The following CDC42BPB variants were observed in gnomAD, a reference collection of about 807,000 sequenced individuals.
CDC42BPB encodes serine/threonine-protein kinase MRCK beta.
In CDC42BPB, 37 loss-of-function variants were observed where a neutral mutation model predicts 214.9. The ratio of observed to expected loss-of-function variants is 0.17; its 90% CI spans 0.13 to 0.23. CDC42BPB has a LOEUF of 0.23. Ranked by LOEUF, CDC42BPB falls within the 10% of genes least tolerant of loss-of-function variation. The pLI is 1.00. For synonymous variants in CDC42BPB, 931 were observed against 884.0 expected, an observed-to-expected ratio of 1.05 and a Z score of -0.94; for missense variants, 1,694 against 2,227.0, an observed-to-expected ratio of 0.76 and a Z score of 4.82.
At chr14:103,046,443 TCGGAGAGAAGC>T (rs1888287760) in intron 1 of CDC42BPB, among the ~76,000 whole-genome samples, 1 of 152,062 alleles carries the variant, frequency 6.6e-6, no homozygotes, top group African/African-American at 2.4e-5. Flanking sequence ...CACCAGAGTT[TCGGAGAGAAGC>T]CTCTAACAAA....
rs753683758 is a variant in CDC42BPB at position 102,950,460 on chromosome 14, G to T, written c.3309+6C>A. The T allele has an allele frequency of 1.2e-6, 2 of 1,612,524 alleles. No homozygotes were observed. Among genetic ancestry groups the T allele is most frequent in the Non-Finnish European group, 1.7e-6 (2 of 1,179,924 alleles). ...GAGGGCTGAGGGCGGAGATGAAGCC[G>T]CCTACCTTGACATGGCCTTTGTAGG... On this transcript the variant is annotated splice_donor_region_variant and intron_variant, in intron 25 of 36. Transcript: ENST00000361246.
chr14:102,996,924 A>C (rs1894765731), intron 5 of CDC42BPB, among the ~76,000 whole-genome samples: 2 of 152,152 alleles, frequency 1.3e-5, no homozygotes. Context: ...ACCTCATCAC[A>C]CTAAATGAGT....
chr14:103,014,611 T>C (rs551744894), intron 1 of CDC42BPB, among the ~76,000 whole-genome samples: 9 of 152,192 alleles, frequency 5.9e-5, no homozygotes, highest in Admixed American at 4.6e-4. Context: ...GTGGGTTTTT[T>C]CTCCTTTAAT....
At chr14:102,965,136 G>A (rs1367067416) in intron 18 of CDC42BPB, among the ~76,000 whole-genome samples, 1 of 151,930 alleles carries the variant, frequency 6.6e-6, no homozygotes, top group African/African-American at 2.4e-5. Flanking sequence ...GTTTCACCAC[G>A]TTGGCCAGGC....
intron 1 of CDC42BPB, among the ~76,000 whole-genome samples, chr14:103,027,956 C>T (rs1314150475): frequency 6.6e-6 from 1 of 152,128 alleles, no homozygotes; most frequent in Non-Finnish European, 1.5e-5. Flanking sequence ...ATAGTGAAAC[C>T]CCATCTCTAC....
chr14:102,972,299 G>A (rs1438733716), intron 12 of CDC42BPB, 138 bp from the exon 13 acceptor site: 1 of 1,493,896 alleles, frequency 6.7e-7, no homozygotes, highest in Admixed American at 2.4e-5. Context: ...GATCTGAGCT[G>A]CTTGGAAAAA....
intron 1 of CDC42BPB, among the ~76,000 whole-genome samples, chr14:103,020,812 G>A (rs1404208071): frequency 2.6e-5 from 4 of 152,274 alleles, no homozygotes; most frequent in African/African-American, 9.6e-5. Flanking sequence ...TCAGACGGCT[G>A]ACGCAGCTAC....
In CDC42BPB at chr14:102,974,103, G is replaced by A. The variant is rs778906085; in HGVS notation, c.1554C>T (p.Arg518=). The change falls in exon 12 of 37, where the codon CGC becomes CGT. Residue 518 remains arginine, a synonymous_variant. Coordinates refer to ENST00000361246, the MANE Select transcript of CDC42BPB (RefSeq NM_006035.4). ...ERQLEDTVAL[R]QEREDSTQRL... ...GCTGCGTGGAGTCCTCACGCTCTTG[G>A]CGAAGCGCCACTGTGTCCTCAAGCT... 4.3e-6 allele frequency: 7 copies of A among 1,613,866 alleles called. No individual in the cohort carries two copies. The highest frequency in any genetic ancestry group is 2.2e-5 in the South Asian group (2 of 91,034).
intron 26 of CDC42BPB, chr14:102,948,024 C>G: frequency 1.1e-6 from 1 of 951,992 alleles, no homozygotes; most frequent in Non-Finnish European, 1.2e-6. Context: ...AGGGAAACCC[C>G]GGAGCCTCAT....
chr14:103,053,220 C>T (rs1034526519), intron 1 of CDC42BPB, among the ~76,000 whole-genome samples: 1 of 151,866 alleles, frequency 6.6e-6, no homozygotes, highest in Non-Finnish European at 1.5e-5. Context: ...TGGTGGCAGG[C>T]ACCTATAATC....
intron 1 of CDC42BPB, among the ~76,000 whole-genome samples, chr14:103,054,989 C>T (rs529245220): frequency 6.6e-6 from 1 of 152,378 alleles, no homozygotes; most frequent in African/African-American, 2.4e-5. Flanking sequence ...AGGTCCCAGG[C>T]CAGAGGCCAG....
At position 102,968,944 on chromosome 14, in the gene CDC42BPB, C is replaced by T. The variant is rs35894441; in HGVS notation, c.1996-228G>A. ...TGTGCCCAGGTCTGCCTGGGACCCC[C>T]GAAGCTCTGCCCCACACCCTGTTCA... is the stretch of plus-strand genomic sequence containing the variant. On this transcript the variant is annotated intron_variant, in intron 14 of 36. Coordinates refer to ENST00000361246, the MANE Select transcript of CDC42BPB (RefSeq NM_006035.4). 1.8e-5 allele frequency: 17 copies of T among 958,258 alleles called. No homozygotes were observed. In the Admixed American group the frequency reaches 3.1e-4, roughly 17 times the overall value. The allele number at this position is 958,258 out of a possible 1,614,324, so 59.4% of individuals were successfully genotyped here.
chr14:102,993,109 C>A (rs1012150619), intron 5 of CDC42BPB, among the ~76,000 whole-genome samples: 1 of 152,112 alleles, frequency 6.6e-6, no homozygotes, highest in Non-Finnish European at 1.5e-5. Flanking sequence ...GGATTACAGG[C>A]GTGAGCCACT....
At chr14:103,017,959 T>C (rs955362963) in intron 1 of CDC42BPB, among the ~76,000 whole-genome samples, 4 of 152,218 alleles carry the variant, frequency 2.6e-5, no homozygotes, top group African/African-American at 9.6e-5. Flanking sequence ...GGTCCCAACC[T>C]TTTTGGCACC....
At chr14:102,986,128 CCT>C (rs34294221) in intron 6 of CDC42BPB, among the ~76,000 whole-genome samples, 35,723 of 152,094 alleles carry the variant, frequency 0.23, 5,313 homozygotes, top group Non-Finnish European at 0.33. Context: ...ATGGTTAATG[CCT>C]GCCCACCCGA....
rs945553548 is a variant in CDC42BPB at position 103,020,647 on chromosome 14, C to T, written c.176-8459G>A. Reference sequence around the variant, plus strand: ...GACCAAGGAGTGCAGCCACAGTGGACGGGGCACATGCTGAACCCCCGTGAG... The same window carrying T: ...GACCAAGGAGTGCAGCCACAGTGGATGGGGCACATGCTGAACCCCCGTGAG... On this transcript the variant is annotated intron_variant, in intron 1 of 36. Transcript: ENST00000361246. 2.6e-5 allele frequency among the ~76,000 whole-genome samples: 4 copies of T among 152,144 alleles called. No individual in the cohort carries two copies. The South Asian group carries it at 6.2e-4, about 24-fold the overall frequency.
Position 102,943,870 on chromosome 14 carries a change from CA to C in CDC42BPB, c.4408+20del. 6.4e-7 allele frequency: 1 copy of C among 1,572,578 alleles called. No homozygotes were observed. Among genetic ancestry groups the C allele is most frequent in the Non-Finnish European group, 8.6e-7 (1 of 1,161,154 alleles). ...TGGGAAAAGCAGCAACAGGGATATG[CA>C]ACAGAAAACATATACATACTACAGG... On this transcript the variant is annotated intron_variant, in intron 30 of 36. Coordinates refer to ENST00000361246, the MANE Select transcript of CDC42BPB (RefSeq NM_006035.4). This position sits in a 1 kb window ranked among gnomAD's most constrained non-coding sequence, Gnocchi z 4.6.
At chr14:102,940,580 G>T in intron 30 of CDC42BPB, 3 of 949,540 alleles carry the variant, frequency 3.2e-6, no homozygotes, top group South Asian at 1.9e-5. Context: ...CAGTACAGAT[G>T]TTGAAGGTGA....
chr14:102,964,552 A>T lies in CDC42BPB; in HGVS notation c.2676T>A (p.Leu892=). 1 of 1,613,924 alleles carries T rather than the reference A, an allele frequency of 6.2e-7. No homozygotes were observed. The highest frequency in any genetic ancestry group is 8.5e-7 in the Non-Finnish European group (1 of 1,180,002). ...TGACCTTCCTGAGCTCCTCCTGGAC[A>T]AGCTGCTTGGCCCGGATCTCCGCCT... ...ALEAEIRAKQ[L]VQEELRKVKD... Residue 892 remains leucine (L), a synonymous_variant, in exon 19 of 37, where the codon CTT becomes CTA. Transcript: ENST00000361246.
Sources: gnomAD v4.1 joint callset for allele counts (sites outside exome capture counted in the v4.1 genomes callset) on GRCh38, gnomAD v4.1.1 for gene constraint, Gnocchi (gnomAD v3.1) non-coding constraint, MANE v1.5 for transcripts, NCBI Gene and HGNC (gene_info 2026-07-23, HGNC 2026-07-21) for gene names.